SPAG17: variants seen among roughly 807,000 people sequenced by gnomAD.
The protein encoded by SPAG17 is sperm associated antigen 17.
SPAG17 carries 169 observed loss-of-function variants against 273.6 expected under a neutral mutation model. The ratio of observed to expected loss-of-function variants is 0.62; its 90% confidence interval spans 0.55 to 0.70. The LOEUF is 0.70. Among genes scored for constraint, SPAG17 ranks in the 30% least tolerant of loss-of-function variants. The pLI is 0.00. For missense variants in SPAG17, 2,557 were observed against 2,627.8 expected (o/e 0.97, Z 0.59); for synonymous variants, 825 against 873.2 (o/e 0.94, Z 0.97).
intron 37 of SPAG17, 127 bp from the exon 38 acceptor site, chr1:117,991,033 T>C (rs1035197280): frequency 1.2e-5 from 6 of 490,676 alleles, no homozygotes; most frequent in South Asian, 5.6e-5. Flanking sequence ...AAAATACTGA[T>C]ATAAAATTAA....
At chr1:118,120,834 A>G (rs138126706) in intron 3 of SPAG17, among the ~76,000 whole-genome samples, 308 of 152,338 alleles carry the variant, frequency 2.0e-3, no homozygotes, top group African/African-American at 7.1e-3. Context: ...TGAAAATAGA[A>G]AATATTTAAC....
intron 20 of SPAG17, among the ~76,000 whole-genome samples, chr1:118,045,074 T>C (rs1365865294): frequency 6.6e-6 from 1 of 152,198 alleles, no homozygotes; most frequent in Non-Finnish European, 1.5e-5. Flanking sequence ...ATTTTTCAGA[T>C]AAGCAAAAAC....
At chr1:118,079,431 T>C (rs1425161054) in intron 15 of SPAG17, among the ~76,000 whole-genome samples, 2 of 152,066 alleles carry the variant, frequency 1.3e-5, no homozygotes, top group African/African-American at 4.8e-5. Flanking sequence ...TGATTTTTAT[T>C]CCTGATATAG....
At chr1:118,096,744 A>G (rs139005395) in intron 7 of SPAG17, among the ~76,000 whole-genome samples, 14 of 152,306 alleles carry the variant, frequency 9.2e-5, no homozygotes, top group African/African-American at 3.4e-4. Flanking sequence ...AACTTAGAGT[A>G]TGTTTCACAT....
intron 24 of SPAG17, among the ~76,000 whole-genome samples, chr1:118,035,111 C>T (rs919127909): frequency 3.9e-5 from 6 of 152,050 alleles, no homozygotes; most frequent in African/African-American, 1.4e-4. Flanking sequence ...ATATATGAAT[C>T]CTTAGGAAAT....
intron 48 of SPAG17, chr1:117,960,797 A>G (rs1478851521): frequency 2.0e-5 from 3 of 152,218 alleles, no homozygotes; most frequent in Non-Finnish European, 4.4e-5. Flanking sequence ...GAATTGCACC[A>G]TGTATGATCT....
intron 46 of SPAG17, among the ~76,000 whole-genome samples, chr1:117,967,296 CAAAAAAAAAA>C (rs5777330): frequency 8.0e-4 from 69 of 86,070 alleles, no homozygotes; most frequent in African/African-American, 3.2e-3. Flanking sequence ...AACTCCATCT[CAAAAAAAAAA>C]AAAAAAAAAA....
intron 5 of SPAG17, among the ~76,000 whole-genome samples, chr1:118,101,101 A>T (rs1374241103): frequency 6.6e-6 from 1 of 152,230 alleles, no homozygotes; most frequent in African/African-American, 2.4e-5. Context: ...GTGCCTAGCA[A>T]GACACATGCT....
intron 21 of SPAG17, among the ~76,000 whole-genome samples, chr1:118,041,361 C>T (rs915068490): frequency 6.6e-6 from 1 of 151,782 alleles, no homozygotes; most frequent in African/African-American, 2.4e-5. Context: ...TCAGGTTTCC[C>T]TCATAACAGC....
Position 118,005,566 on chromosome 1 carries a change from T to C in SPAG17, c.4624A>G (p.Lys1542Glu). 1.3e-6 allele frequency: 2 copies of C among 1,578,348 alleles called. No individual in the cohort carries two copies. The highest frequency in any genetic ancestry group is 2.3e-5 in the East Asian group (1 of 43,588). ...TGGCAGTACACAGCTGAACAATCCTTGTCAATATAAAGAGAGCCTGTGTTT... is the reference window on the plus strand; with the variant it reads ...TGGCAGTACACAGCTGAACAATCCTCGTCAATATAAAGAGAGCCTGTGTTT... ...PPNTGSLYID[K>E]DCSAVYCHES... Residue 1542 changes from lysine (K) to glutamate (E), a missense_variant, in exon 32 of 49, where the codon AAG (lysine) becomes GAG (glutamate). By Grantham distance (56) the Lys-to-Glu change is moderately conservative (BLOSUM62 1). Coordinates refer to ENST00000336338, the MANE Select transcript of SPAG17 (RefSeq NM_206996.4).
At chr1:117,970,605 T>C (rs781304546) in intron 45 of SPAG17, among the ~76,000 whole-genome samples, 7 of 152,118 alleles carry the variant, frequency 4.6e-5, no homozygotes, top group Non-Finnish European at 1.0e-4. Context: ...CTTGAAAAGC[T>C]CCGAGCTCAC....
At chr1:118,036,635 T>A in intron 24 of SPAG17, 135 bp downstream of exon 24, 1 of 624,350 alleles carries the variant, frequency 1.6e-6, no homozygotes, top group Non-Finnish European at 2.9e-6. Flanking sequence ...CCTCTTCTAT[T>A]ACCATCCTGC....
At chr1:118,056,064 T>C (rs1477528274) in intron 18 of SPAG17, 150 bp from the exon 19 acceptor site, 2 of 581,280 alleles carry the variant, frequency 3.4e-6, no homozygotes, top group Non-Finnish European at 5.6e-6. Flanking sequence ...AATAGTCAAA[T>C]ACAAATATCC....
chr1:118,055,253 T>C (rs1459167263), intron 19 of SPAG17, among the ~76,000 whole-genome samples: 1 of 152,122 alleles, frequency 6.6e-6, no homozygotes, highest in East Asian at 1.9e-4. Flanking sequence ...AAAATCTCTT[T>C]CCCCATTATC....
chr1:118,006,841 G>A (rs1157533676), intron 31 of SPAG17, among the ~76,000 whole-genome samples: 10 of 152,250 alleles, frequency 6.6e-5, no homozygotes, highest in South Asian at 2.1e-4. Flanking sequence ...TGCAGTTTGC[G>A]CTGCAGCTCC....
intron 48 of SPAG17, chr1:117,961,002 G>A (rs1653006990): frequency 6.6e-6 from 1 of 152,034 alleles, no homozygotes; most frequent in Admixed American, 6.5e-5. Context: ...AAAATATCTG[G>A]GCTGCGTGCA....
intron 30 of SPAG17, 40 bp from the exon 31 acceptor site, chr1:118,008,238 A>G (rs912405502): frequency 1.2e-6 from 2 of 1,606,838 alleles, no homozygotes; most frequent in Non-Finnish European, 1.7e-6. Flanking sequence ...GATAGGATGT[A>G]GACATTGCAA....
At chr1:117,976,617 G>T (rs1196304724) in intron 43 of SPAG17, among the ~76,000 whole-genome samples, 1 of 152,180 alleles carries the variant, frequency 6.6e-6, no homozygotes, top group African/African-American at 2.4e-5. Flanking sequence ...CTTGCCTGAC[G>T]TGGTGGCTCC....
Position 117,989,351 on chromosome 1 carries a change from G to C in SPAG17, c.5522-1147C>G, listed in dbSNP as rs148809264. On this transcript the variant is annotated intron_variant, in intron 38 of 48. Coordinates refer to ENST00000336338, the MANE Select transcript of SPAG17 (RefSeq NM_206996.4). Reference sequence around the variant, plus strand: ...CTTCCACTCATGGAAATGGGGGAAGGGGAGCCGGCATGTATAGAGATCACA... The same window carrying C: ...CTTCCACTCATGGAAATGGGGGAAGCGGAGCCGGCATGTATAGAGATCACA... Among the ~76,000 whole-genome samples, 107 of 152,112 alleles carry C rather than the reference G, an allele frequency of 7.0e-4. 1 individual carries two copies. The East Asian group carries it at 0.017, about 24-fold the overall frequency.
Sources: allele counts gnomAD v4.1 joint callset (sites outside exome capture counted in the v4.1 genomes callset), GRCh38; gene constraint gnomAD v4.1.1; transcripts MANE v1.5; gene names NCBI Gene and HGNC (gene_info 2026-07-23, HGNC 2026-07-21).